EMC2: variants seen among roughly 807,000 people sequenced by gnomAD.
EMC2 encodes TPR repeat protein 35.
In EMC2, 37 loss-of-function variants were observed where a neutral mutation model predicts 51.6. The ratio of observed to expected loss-of-function variants is 0.72; its 90% CI spans 0.55 to 0.94. The LOEUF is 0.94. EMC2 is among the 40% of genes least tolerant of loss of function. The pLI, the probability that EMC2 is intolerant of heterozygous loss-of-function variation, is 0.00. For missense variants in EMC2, 359 were observed against 350.9 expected, an observed-to-expected ratio of 1.02 and a Z score of -0.18; for synonymous variants, 131 against 112.4, an observed-to-expected ratio of 1.17 and a Z score of -1.04.
intron 5 of EMC2, among the ~76,000 whole-genome samples, chr8:108,457,184 T>C (rs1349521877): frequency 6.6e-6 from 1 of 152,208 alleles, no homozygotes; most frequent in Non-Finnish European, 1.5e-5. Flanking sequence ...TTATGTATTA[T>C]AGTAGTTGGT....
intron 1 of EMC2, among the ~76,000 whole-genome samples, chr8:108,446,843 CAA>C (rs992945142): frequency 8.5e-5 from 13 of 152,250 alleles, no homozygotes; most frequent in South Asian, 2.1e-4. Flanking sequence ...CAGCAGCACT[CAA>C]GAGTGTGGCA....
intron 4 of EMC2, among the ~76,000 whole-genome samples, chr8:108,454,563 TCAC>T (rs1371676442): frequency 6.6e-6 from 1 of 152,090 alleles, no homozygotes; most frequent in African/African-American, 2.4e-5. Flanking sequence ...TAAATCATAA[TCAC>T]CAAATATATT....
chr8:108,466,956 G>A (rs1810732069), intron 5 of EMC2, among the ~76,000 whole-genome samples: 2 of 152,068 alleles, frequency 1.3e-5, no homozygotes, highest in South Asian at 2.1e-4. Flanking sequence ...TGAGTATTAA[G>A]TGTCCAGAGA....
In EMC2 at chr8:108,462,470, G is replaced by A. The variant is rs185641682; in HGVS notation, c.363+6540G>A. On this transcript the variant is annotated intron_variant, in intron 5 of 10. Transcript: ENST00000220853. ...TCTCAGAAACAGTTTTTCAGTGGATGTCATTGGTGGGATGAATCTTTAGAG... is the reference window on the plus strand; with the variant it reads ...TCTCAGAAACAGTTTTTCAGTGGATATCATTGGTGGGATGAATCTTTAGAG... Among the ~76,000 whole-genome samples, 276 of 152,246 alleles carry A rather than the reference G, an allele frequency of 1.8e-3. 1 individual carries two copies. The highest frequency in any genetic ancestry group is 5.5e-3 in the African/African-American group (230 of 41,558).
intron 5 of EMC2, among the ~76,000 whole-genome samples, chr8:108,459,773 G>A (rs1819268151): frequency 6.7e-6 from 1 of 150,034 alleles, no homozygotes; most frequent in Admixed American, 6.6e-5. Flanking sequence ...GTTCTAGATA[G>A]CTGAGAACTT....
In EMC2 at chr8:108,480,497, C is replaced by T. The variant is rs964500543; in HGVS notation, c.807+1387C>T. 7.9e-5 allele frequency among the ~76,000 whole-genome samples: 12 copies of T among 152,260 alleles called. No homozygotes were observed. The East Asian group carries it at 1.9e-3, about 24-fold the overall frequency. On this transcript the variant is annotated intron_variant, in intron 10 of 10. Transcript: ENST00000220853. ...AACTGAGTATGAATGGCCAGTCTGT[C>T]TTAGAACTCAGTGTGACTCAGAAAG...
At chr8:108,449,173 G>A (rs1377997269) in intron 1 of EMC2, among the ~76,000 whole-genome samples, 1 of 152,120 alleles carries the variant, frequency 6.6e-6, no homozygotes, top group Non-Finnish European at 1.5e-5. Flanking sequence ...GAGTGCAGTG[G>A]TGCAATCACA....
chr8:108,458,177 C>T (rs574846870), intron 5 of EMC2, among the ~76,000 whole-genome samples: 14 of 152,326 alleles, frequency 9.2e-5, no homozygotes, highest in South Asian at 4.1e-4. Flanking sequence ...TGGGCAGCTC[C>T]GCCCCATGGC....
chr8:108,456,558 GT>G (rs1436278412), intron 5 of EMC2, among the ~76,000 whole-genome samples: 8 of 151,896 alleles, frequency 5.3e-5, no homozygotes, highest in Non-Finnish European at 1.0e-4. Context: ...ATTTTATTTT[GT>G]TTTTGCTTTT....
intron 3 of EMC2, among the ~76,000 whole-genome samples, chr8:108,451,926 C>G (rs901888797): frequency 6.6e-6 from 1 of 152,090 alleles, no homozygotes; most frequent in Non-Finnish European, 1.5e-5. Flanking sequence ...GAATATTTTT[C>G]TTAGTGTGGC....
At chr8:108,443,832 G>A in intron 1 of EMC2, 134 bp downstream of exon 1, 1 of 734,632 alleles carries the variant, frequency 1.4e-6, no homozygotes, top group Non-Finnish European at 2.3e-6. Context: ...GGGCCAAGCT[G>A]AGGTGGAGGC....
In EMC2 at chr8:108,453,146, A is replaced by C; in HGVS notation, c.304A>C (p.Arg102=). ...LTGMRFEAME[R]YDDAIQLYDR... The stretch of plus-strand genomic sequence containing the variant: ...AGGCATGAGATTTGAAGCCATGGAA[A>C]GGTAACCAAATCTTATCAGCTGGCA... Residue 102 remains arginine, a splice_region_variant and synonymous_variant, in exon 4 of 11, where the codon AGA becomes CGA. Transcript: ENST00000220853. 2 of 1,584,878 alleles carry C rather than the reference A, an allele frequency of 1.3e-6. No individual in the cohort carries two copies. Among genetic ancestry groups the C allele is most frequent in the Non-Finnish European group, 1.7e-6 (2 of 1,160,922 alleles).
At position 108,470,106 on chromosome 8, in the gene EMC2, A is replaced by G. The variant is rs1192547182; in HGVS notation, c.494A>G (p.Tyr165Cys). ...GCCTGGCATGAACTTGCAGAACTTTACATCAATGAACATGAGTAAGTTATT... is the reference window on the plus strand; with the variant it reads ...GCCTGGCATGAACTTGCAGAACTTTGCATCAATGAACATGAGTAAGTTATT... ...QEAWHELAELYINEHDYAKAA... is the reference protein window; with the variant it reads ...QEAWHELAELCINEHDYAKAA... Residue 165 changes from tyrosine (Y) to cysteine (C), a missense_variant, in exon 7 of 11, where the codon TAC becomes TGC. By Grantham distance (194) the Tyr-to-Cys change is radical (BLOSUM62 -2). Transcript: ENST00000220853. The G allele has an allele frequency of 1.9e-6, 3 of 1,610,888 alleles. No individual in the cohort carries two copies. Among genetic ancestry groups the G allele is most frequent in the East Asian group, 2.2e-5 (1 of 44,824 alleles).
intron 1 of EMC2, among the ~76,000 whole-genome samples, chr8:108,448,048 G>A (rs955385217): frequency 2.0e-5 from 3 of 152,044 alleles, no homozygotes; most frequent in African/African-American, 7.2e-5. Flanking sequence ...AATACATGTA[G>A]TTGGGTGAAA....
chr8:108,447,299 C>G (rs991873165), intron 1 of EMC2, among the ~76,000 whole-genome samples: 2 of 138,108 alleles, frequency 1.4e-5, no homozygotes, highest in Non-Finnish European at 3.1e-5. Context: ...TTGAAAAATA[C>G]GTCTTCTGGA....
At chr8:108,446,728 T>A (rs1206833421) in intron 1 of EMC2, among the ~76,000 whole-genome samples, 1 of 152,202 alleles carries the variant, frequency 6.6e-6, no homozygotes, top group Non-Finnish European at 1.5e-5. Flanking sequence ...AAAACATGTT[T>A]TCTTCAAGAT....
At chr8:108,451,033 C>T (rs183753518) in intron 3 of EMC2, among the ~76,000 whole-genome samples, 4 of 152,210 alleles carry the variant, frequency 2.6e-5, no homozygotes, top group Admixed American at 2.6e-4. Context: ...GAAACCCCGT[C>T]TCTAGTAAAG....
In EMC2 at chr8:108,443,645, T is replaced by C. The variant is rs758660456; in HGVS notation, c.-14T>C. The C allele has an allele frequency of 1.9e-6, 3 of 1,607,224 alleles. No individual in the cohort carries two copies. Among genetic ancestry groups the C allele is most frequent in the Admixed American group, 3.4e-5 (2 of 59,210 alleles). On this transcript the variant is annotated 5_prime_UTR_variant, in exon 1 of 11. Coordinates refer to ENST00000220853, the MANE Select transcript of EMC2 (RefSeq NM_014673.5). ...CCCCGCCCTCTCACCCCGCTGCCTC[T>C]AGGTTCTGGGAAGATGGCGAAGGTC...
chr8:108,447,894 T>G (rs1014944418), intron 1 of EMC2, among the ~76,000 whole-genome samples: 13 of 152,106 alleles, frequency 8.5e-5, no homozygotes, highest in Admixed American at 5.9e-4. Context: ...GAGCCTTTAT[T>G]TCTTGTGAGA....
Sources: allele counts gnomAD v4.1 joint callset (sites outside exome capture counted in the v4.1 genomes callset), GRCh38; gene constraint gnomAD v4.1.1; transcripts MANE v1.5; gene names NCBI Gene and HGNC (gene_info 2026-07-23, HGNC 2026-07-21).